Variants in TEC observed in about 807,000 individuals in gnomAD.
The protein encoded by TEC is tec protein tyrosine kinase, also known as tyrosine-protein kinase Tec.
Under a neutral mutation model 93.0 loss-of-function variants are expected in TEC, and 72 were observed. The observed-to-expected ratio is 0.77, with a 90% CI of 0.64 to 0.94. The LOEUF (loss-of-function observed/expected upper bound fraction) is 0.94, where lower values mean the gene tolerates loss of function less well. Ranked by LOEUF, TEC falls within the 40% of genes least tolerant of loss-of-function variation. TEC has a pLI of 0.00. For missense variants in TEC, 630 were observed against 757.9 expected (o/e 0.83, Z 1.98); for synonymous variants, 249 against 247.7 (o/e 1.01, Z -0.05).
intron 1 of TEC, among the ~76,000 whole-genome samples, chr4:48,247,491 C>G (rs1724091588): frequency 6.6e-6 from 1 of 152,200 alleles, no homozygotes; most frequent in Admixed American, 6.5e-5. Flanking sequence ...AACCCAATGT[C>G]TGCCAACTGA....
intron 2 of TEC, among the ~76,000 whole-genome samples, chr4:48,188,502 A>G (rs559953245): frequency 2.6e-5 from 4 of 152,316 alleles, no homozygotes; most frequent in East Asian, 3.9e-4. Flanking sequence ...GCCAACAAGA[A>G]GAAGCAAACC....
chr4:48,184,563 C>A (rs568442806), intron 2 of TEC, among the ~76,000 whole-genome samples: 14 of 152,144 alleles, frequency 9.2e-5, no homozygotes, highest in Admixed American at 2.6e-4. Flanking sequence ...CCTCTTTTCT[C>A]AATTCAATTA....
chr4:48,250,762 G>A lies in TEC; in HGVS notation c.-46+18990C>T, dbSNP rs142918577. Among the ~76,000 whole-genome samples the A allele has an allele frequency of 4.6e-3, 707 of 152,286 alleles. 5 individuals are homozygous for A. The highest frequency in any genetic ancestry group is 0.015 in the African/African-American group (636 of 41,560). On this transcript the variant is annotated intron_variant, in intron 1 of 17. Coordinates refer to ENST00000381501, the MANE Select transcript of TEC (RefSeq NM_003215.3). Reference sequence around the variant, plus strand: ...ATCAGAGAACCCAGGCAATATTGCAGAGCTGCCTACCTAACCCACAGTGGA... The same window carrying A: ...ATCAGAGAACCCAGGCAATATTGCAAAGCTGCCTACCTAACCCACAGTGGA...
intron 7 of TEC, among the ~76,000 whole-genome samples, chr4:48,166,810 A>C (rs1182281340): frequency 6.6e-6 from 1 of 151,848 alleles, no homozygotes; most frequent in Non-Finnish European, 1.5e-5. Context: ...ATAAGTTAAT[A>C]ATGCACAGCA....
chr4:48,194,794 A>G (rs1722235533), intron 2 of TEC, among the ~76,000 whole-genome samples: 1 of 152,332 alleles, frequency 6.6e-6, no homozygotes, highest in Non-Finnish European at 1.5e-5. Context: ...TCAAAGAGAA[A>G]TACACAGAAT....
chr4:48,160,986 C>T (rs908055507), intron 8 of TEC, among the ~76,000 whole-genome samples: 3 of 151,510 alleles, frequency 2.0e-5, no homozygotes, highest in African/African-American at 2.4e-5. Flanking sequence ...AGAAATTAGG[C>T]CCTGAATTTG....
At chr4:48,255,668 G>A (rs1724322080) in intron 1 of TEC, among the ~76,000 whole-genome samples, 1 of 152,168 alleles carries the variant, frequency 6.6e-6, no homozygotes, top group Non-Finnish European at 1.5e-5. Flanking sequence ...GGTAAGTAAT[G>A]TAACTTCTCA....
intron 2 of TEC, among the ~76,000 whole-genome samples, chr4:48,193,482 T>C (rs1437240512): frequency 2.0e-5 from 3 of 152,132 alleles, no homozygotes; most frequent in Middle Eastern, 3.2e-3. Context: ...CTGCTGCACA[T>C]AGTAATACCC....
intron 2 of TEC, among the ~76,000 whole-genome samples, chr4:48,181,675 AAAAAAAAAAAAAG>A (rs1721594892): frequency 1.5e-5 from 2 of 131,536 alleles, no homozygotes; most frequent in South Asian, 2.4e-4. Flanking sequence ...TCTGTCTCAA[AAAAAAAAAAAAAG>A]AAAAAAGAAA....
intron 8 of TEC, among the ~76,000 whole-genome samples, chr4:48,157,683 T>A (rs1720458548): frequency 6.6e-6 from 1 of 152,158 alleles, no homozygotes; most frequent in Non-Finnish European, 1.5e-5. Flanking sequence ...ACCCAGCTAA[T>A]TTTTGTATTT....
At chr4:48,258,136 GT>G (rs912948438) in intron 1 of TEC, among the ~76,000 whole-genome samples, 9 of 109,232 alleles carry the variant, frequency 8.2e-5, no homozygotes, top group Non-Finnish European at 1.5e-4. Context: ...TGAATGCATT[GT>G]TTTTTTGGTT....
rs115203014 is a variant in TEC, at chr4:48,191,808, G to A, written c.139-15622C>T. On this transcript the variant is annotated intron_variant, in intron 2 of 17. Transcript: ENST00000381501. ...AATTTAAAAATTACCCAGGTGTGGT[G>A]GTGTGCACCTGCAGTCCCAGCTACT... 2.6e-5 allele frequency among the ~76,000 whole-genome samples: 4 copies of A among 152,126 alleles called. No individual in the cohort carries two copies. In the South Asian group the frequency reaches 8.3e-4, roughly 32 times the overall value.
At chr4:48,230,116 C>T (rs1323521643) in intron 1 of TEC, among the ~76,000 whole-genome samples, 4 of 151,350 alleles carry the variant, frequency 2.6e-5, no homozygotes, top group Non-Finnish European at 4.4e-5. Context: ...TAAATAACTG[C>T]ATATTAAAGG....
At chr4:48,175,558 G>A (rs992399349) in intron 3 of TEC, among the ~76,000 whole-genome samples, 13 of 152,138 alleles carry the variant, frequency 8.5e-5, no homozygotes, top group East Asian at 1.9e-4. Flanking sequence ...AGCTCAGGAC[G>A]CCGGACCCTC....
At chr4:48,265,507 A>G (rs1168824672) in intron 1 of TEC, among the ~76,000 whole-genome samples, 4 of 100,650 alleles carry the variant, frequency 4.0e-5, no homozygotes, top group African/African-American at 1.3e-4. Context: ...GTATATATAT[A>G]TATATATATT....
In TEC at chr4:48,167,900, G is replaced by C. The variant is rs574810323; in HGVS notation, c.549C>G (p.Ile183Met). Residue 183 changes from isoleucine (I) to methionine (M), a missense_variant, in exon 7 of 18, where the codon ATC becomes ATG. This residue lies in a region of TEC where 335 missense variants were observed against 351.5 expected (regional missense o/e 0.95). Transcript: ENST00000381501. ...CTTGGAAATCATACATGGCTACAAC[G>C]ATTTCTTCACTATTATCTTCTTCTT... ...PLEEEDNSEE[I>M]VVAMYDFQAA... 21 of 1,613,640 alleles carry C rather than the reference G, an allele frequency of 1.3e-5. No individual in the cohort carries two copies. The highest frequency in any genetic ancestry group is 1.7e-5 in the Non-Finnish European group (20 of 1,179,898).
intron 2 of TEC, 43 bp from the exon 3 acceptor site, chr4:48,176,229 T>C: frequency 7.5e-6 from 11 of 1,457,042 alleles, no homozygotes; most frequent in Non-Finnish European, 1.0e-5. Flanking sequence ...TCATAAGACA[T>C]AAAAAAATTA....
intron 2 of TEC, among the ~76,000 whole-genome samples, chr4:48,186,092 T>C (rs1288816038): frequency 6.6e-6 from 1 of 152,196 alleles, no homozygotes; most frequent in African/African-American, 2.4e-5. Context: ...CTCCTGACCG[T>C]GAGTGATCTG....
At chr4:48,181,742 G>C (rs1721598794) in intron 2 of TEC, among the ~76,000 whole-genome samples, 1 of 151,786 alleles carries the variant, frequency 6.6e-6, no homozygotes, top group Admixed American at 6.6e-5. Context: ...ATAGGGAACA[G>C]AGAGTTACTG....
Sources: gnomAD v4.1 joint callset for allele counts (sites outside exome capture counted in the v4.1 genomes callset) on GRCh38, gnomAD v4.1.1 for gene constraint, gnomAD v4.1.1 regional missense constraint, MANE v1.5 for transcripts, NCBI Gene and HGNC (gene_info 2026-07-23, HGNC 2026-07-21) for gene names.